The following SCN2A variants were observed in gnomAD, a reference collection of about 807,000 sequenced individuals.
SCN2A encodes the protein sodium voltage-gated channel alpha subunit 2, also known as sodium channel protein type 2 subunit alpha.
In SCN2A, 20 loss-of-function variants were observed where a neutral mutation model predicts 188.7. The observed-to-expected ratio is 0.11, with a 90% confidence interval of 0.07 to 0.15. SCN2A has a LOEUF of 0.15. Ranked by LOEUF, SCN2A falls within the 10% of genes least tolerant of loss-of-function variation. The probability of loss-of-function intolerance (pLI) is 1.00; values close to 1 mark genes in which losing one functional copy is unlikely to be tolerated. For missense variants in SCN2A, 1,278 were observed against 2,445.0 expected, an observed-to-expected ratio of 0.52 and a Z score of 10.07; for synonymous variants, 804 against 833.1, an observed-to-expected ratio of 0.97 and a Z score of 0.60.
At chr2:165,324,797 A>G (rs903955081) in intron 12 of SCN2A, among the ~76,000 whole-genome samples, 2 of 152,214 alleles carry the variant, frequency 1.3e-5, no homozygotes, top group African/African-American at 2.4e-5. Flanking sequence ...TACTGAACCT[A>G]CATTCTATCA....
At chr2:165,240,694 T>TGTGTGTGTGA (rs755090637) in intron 1 of SCN2A, among the ~76,000 whole-genome samples, 1 of 150,504 alleles carries the variant, frequency 6.6e-6, no homozygotes, top group African/African-American at 2.5e-5. Context: ...TGTGTGTGTG[T>TGTGTGTGTGA]GATGGTGGAG....
intron 1 of SCN2A, among the ~76,000 whole-genome samples, chr2:165,266,190 G>T (rs369030177): frequency 2.0e-5 from 3 of 152,036 alleles, no homozygotes; most frequent in East Asian, 3.9e-4. Context: ...ATGCTTATTA[G>T]TCATTCAAAC....
At chr2:165,270,240 GCT>G (rs1169622895) in intron 1 of SCN2A, 5 of 135,002 alleles carry the variant, frequency 3.7e-5, no homozygotes, top group African/African-American at 1.4e-4. Context: ...AGCAAGTATG[GCT>G]CTCTCTCATA....
intron 1 of SCN2A, among the ~76,000 whole-genome samples, chr2:165,254,372 GA>G (rs1276140005): frequency 6.6e-6 from 1 of 151,660 alleles, no homozygotes; most frequent in African/African-American, 2.4e-5. Flanking sequence ...ATTCATTAAT[GA>G]TATTGGCTGT....
intron 18 of SCN2A, 43 bp from the exon 19 acceptor site, chr2:165,367,173 CA>C: frequency 1.9e-6 from 3 of 1,597,642 alleles, no homozygotes; most frequent in Admixed American, 3.3e-5. Flanking sequence ...TATACCTAAT[CA>C]AAGAGTAATT....
intron 1 of SCN2A, among the ~76,000 whole-genome samples, chr2:165,255,839 A>G (rs1226981129): frequency 6.6e-6 from 1 of 151,992 alleles, no homozygotes; most frequent in African/African-American, 2.4e-5. Context: ...TTATCCTCAG[A>G]CATCTAATAT....
intron 1 of SCN2A, chr2:165,272,886 A>G (rs1314310283): frequency 6.6e-6 from 1 of 152,042 alleles, no homozygotes; most frequent in Non-Finnish European, 1.5e-5. Context: ...ACCATTTCAT[A>G]TTATTTCATA....
At chr2:165,387,844 T>G (rs1050666543) in intron 26 of SCN2A, among the ~76,000 whole-genome samples, 3 of 152,118 alleles carry the variant, frequency 2.0e-5, no homozygotes, top group Non-Finnish European at 4.4e-5. Flanking sequence ...CATTTGATTC[T>G]CACATAAGTG....
At chr2:165,275,020 G>C (rs1695274243) in intron 1 of SCN2A, among the ~76,000 whole-genome samples, 2 of 152,230 alleles carry the variant, frequency 1.3e-5, no homozygotes, top group South Asian at 4.1e-4. Context: ...TGTGAAACCA[G>C]ATGGCAGGCC....
intron 8 of SCN2A, 104 bp from the exon 9 acceptor site, chr2:165,313,516 T>C: frequency 7.1e-7 from 1 of 1,405,054 alleles, no homozygotes; most frequent in Non-Finnish European, 1.0e-6. Context: ...TCGGCTTTTT[T>C]CTAGTGCCTG....
At chr2:165,297,443 C>G (rs1696570280) in intron 3 of SCN2A, among the ~76,000 whole-genome samples, 1 of 152,216 alleles carries the variant, frequency 6.6e-6, no homozygotes, top group Non-Finnish European at 1.5e-5. Context: ...GGCTTTCCTC[C>G]TGTAAGTCTT....
At chr2:165,377,727 C>T in intron 23 of SCN2A, 77 bp downstream of exon 23, 2 of 1,170,246 alleles carry the variant, frequency 1.7e-6, no homozygotes. Context: ...GTGATATTGT[C>T]AATAAAATAA....
chr2:165,302,470 A>G (rs1696869371), intron 3 of SCN2A, among the ~76,000 whole-genome samples: 1 of 152,190 alleles, frequency 6.6e-6, no homozygotes, highest in Non-Finnish European at 1.5e-5. Flanking sequence ...TTCTCTGGAT[A>G]TTATACATTA....
intron 2 of SCN2A, chr2:165,296,434 A>G (rs1696514363): frequency 3.6e-6 from 1 of 279,448 alleles, no homozygotes; most frequent in African/African-American, 2.2e-5. Context: ...AAAACTGTAA[A>G]CTAGGAGTCT....
At chr2:165,340,410 A>G (rs535363628) in intron 14 of SCN2A, among the ~76,000 whole-genome samples, 13 of 152,350 alleles carry the variant, frequency 8.5e-5, no homozygotes, top group African/African-American at 2.9e-4. Context: ...TCTCTGAGGT[A>G]ACCACCTAGG....
intron 1 of SCN2A, among the ~76,000 whole-genome samples, chr2:165,257,546 T>C (rs187172922): frequency 1.3e-5 from 2 of 152,236 alleles, no homozygotes; most frequent in Admixed American, 6.5e-5. Flanking sequence ...GTTCTTGTTG[T>C]TGTTGTTTTT....
At chr2:165,353,044 G>A (rs989003452) in intron 16 of SCN2A, among the ~76,000 whole-genome samples, 4 of 148,436 alleles carry the variant, frequency 2.7e-5, no homozygotes, top group African/African-American at 9.8e-5. Context: ...TGATTTCTTC[G>A]TAAGTTGTCT....
intron 1 of SCN2A, among the ~76,000 whole-genome samples, chr2:165,283,263 C>G (rs994253609): frequency 6.6e-6 from 1 of 152,114 alleles, no homozygotes; most frequent in Non-Finnish European, 1.5e-5. Flanking sequence ...CCTGAGGCTC[C>G]AAGAACCTAC....
intron 1 of SCN2A, among the ~76,000 whole-genome samples, chr2:165,291,496 T>G (rs571031831): frequency 1.3e-3 from 34 of 26,118 alleles, no homozygotes; most frequent in Non-Finnish European, 2.5e-3. Flanking sequence ...CTTTCTTTTC[T>G]TTCTTTCTTT....
Sources: gnomAD v4.1 joint callset for allele counts (sites outside exome capture counted in the v4.1 genomes callset) on GRCh38, gnomAD v4.1.1 for gene constraint, MANE v1.5 for transcripts, NCBI Gene and HGNC (gene_info 2026-07-23, HGNC 2026-07-21) for gene names.